SEMA5A: variants seen among roughly 807,000 people sequenced by gnomAD.
SEMA5A encodes the protein semaphorin 5A, also known as semaphorin-5A.
SEMA5A carries 55 observed loss-of-function variants against 135.5 expected under a neutral mutation model. The observed-to-expected ratio is 0.41, with a 90% CI of 0.33 to 0.51. The LOEUF is 0.51. Ranked by LOEUF, SEMA5A falls within the 20% of genes least tolerant of loss-of-function variation. The pLI is 0.37. For missense variants in SEMA5A, 1,290 were observed against 1,419.9 expected, an observed-to-expected ratio of 0.91 and a Z score of 1.47; for synonymous variants, 580 against 546.5, an observed-to-expected ratio of 1.06 and a Z score of -0.85.
rs568140885 is a variant in SEMA5A, at chr5:9,286,101, A to AT, written c.270+32270dup. On this transcript the variant is annotated intron_variant, in intron 5 of 22. Transcript: ENST00000382496. ...ACTGAGGCAAACTGCACTAAGTGATATTTATATCTTTGTATAACGCTGCAG... is the reference window on the plus strand; with the variant it reads ...ACTGAGGCAAACTGCACTAAGTGATATTTTATATCTTTGTATAACGCTGCAG... Among the ~76,000 whole-genome samples, 431 of 152,294 alleles carry AT rather than the reference A, an allele frequency of 2.8e-3. 1 individual carries two copies. The highest frequency in any genetic ancestry group is 9.8e-3 in the African/African-American group (408 of 41,570).
chr5:9,459,672 A>T (rs1165577621), intron 1 of SEMA5A, among the ~76,000 whole-genome samples: 1 of 152,244 alleles, frequency 6.6e-6, no homozygotes, highest in Non-Finnish European at 1.5e-5. Context: ...AAATGATGAC[A>T]TAATATAATG....
At chr5:9,055,939 GT>G (rs1259201020) in intron 18 of SEMA5A, among the ~76,000 whole-genome samples, 2 of 151,798 alleles carry the variant, frequency 1.3e-5, no homozygotes, top group East Asian at 3.9e-4. Context: ...CTTGCTGACA[GT>G]TTTTTTCTGT....
chr5:9,370,175 C>CA (rs1391269678), intron 3 of SEMA5A, among the ~76,000 whole-genome samples: 2 of 152,248 alleles, frequency 1.3e-5, no homozygotes, highest in East Asian at 3.9e-4. Context: ...TTGAGTGGCA[C>CA]AAAAAATCAA....
chr5:9,047,986 C>G (rs1014536013), intron 21 of SEMA5A, among the ~76,000 whole-genome samples: 1 of 152,156 alleles, frequency 6.6e-6, no homozygotes, highest in African/African-American at 2.4e-5. Flanking sequence ...GTGAACTGCA[C>G]ACGTCTGGCA....
In SEMA5A at chr5:9,041,213, T is replaced by TAACA. The variant is rs948276794; in HGVS notation, c.*1680_*1683dup. 2.0e-5 allele frequency: 3 copies of TAACA among 152,216 alleles called. No individual in the cohort carries two copies. The highest frequency in any genetic ancestry group is 7.2e-5 in the African/African-American group (3 of 41,440). The allele number at this position is 152,216 out of a possible 1,614,324, so 9.4% of individuals were successfully genotyped here. A position where few individuals can be genotyped will look rare whatever the true frequency, so the allele number is the denominator to read the frequency against. ...TTCATTATTAAACATAGAATTCTTC[T>TAACA]AACACTTTCTGAAATTGTTTCTTTA... On this transcript the variant is annotated 3_prime_UTR_variant, in exon 23 of 23. Transcript: ENST00000382496.
chr5:9,371,401 C>T (rs1755129581), intron 3 of SEMA5A, among the ~76,000 whole-genome samples: 1 of 152,110 alleles, frequency 6.6e-6, no homozygotes, highest in African/African-American at 2.4e-5. Context: ...AGTATTAGAA[C>T]CAATTCTCTT....
chr5:9,388,313 G>A (rs941076836), intron 2 of SEMA5A, among the ~76,000 whole-genome samples: 2 of 151,984 alleles, frequency 1.3e-5, no homozygotes, highest in South Asian at 4.1e-4. Context: ...GCTCCAGATC[G>A]CCTGGAGGAA....
chr5:9,058,196 T>C (rs1736996203), intron 18 of SEMA5A, among the ~76,000 whole-genome samples: 1 of 152,130 alleles, frequency 6.6e-6, no homozygotes. Context: ...AATAATAAAC[T>C]CATTCAATAT....
intron 5 of SEMA5A, among the ~76,000 whole-genome samples, chr5:9,253,254 A>C (rs1748893474): frequency 6.6e-6 from 1 of 152,158 alleles, no homozygotes; most frequent in Non-Finnish European, 1.5e-5. Flanking sequence ...TAATTAAGAA[A>C]ACTATTTTTT....
At chr5:9,382,439 G>T (rs557861637) in intron 2 of SEMA5A, among the ~76,000 whole-genome samples, 2 of 152,244 alleles carry the variant, frequency 1.3e-5, no homozygotes, top group South Asian at 4.1e-4. Flanking sequence ...AAAAAGGAGT[G>T]CTTACCACCT....
rs543756642 is a variant in SEMA5A at position 9,358,369 on chromosome 5, T to C, written c.125-20557A>G. Among the ~76,000 whole-genome samples the C allele has an allele frequency of 2.0e-5, 3 of 152,286 alleles. No homozygotes were observed. The South Asian group carries it at 6.2e-4, about 32-fold the overall frequency. ...CCACCCAGAGCTCCCTTGACTTCCC[T>C]TTCCTTACCTGGTGGTCTGACGCCT... On this transcript the variant is annotated intron_variant, in intron 3 of 22. Coordinates refer to ENST00000382496, the MANE Select transcript of SEMA5A (RefSeq NM_003966.3).
intron 5 of SEMA5A, among the ~76,000 whole-genome samples, chr5:9,243,900 A>G (rs995991410): frequency 6.6e-6 from 1 of 152,144 alleles, no homozygotes; most frequent in African/African-American, 2.4e-5. Context: ...CCACCCCGTA[A>G]TTTAGAAAAA....
intron 2 of SEMA5A, among the ~76,000 whole-genome samples, chr5:9,413,881 G>A (rs1757190960): frequency 6.6e-6 from 1 of 152,152 alleles, no homozygotes; most frequent in Non-Finnish European, 1.5e-5. Context: ...CATTTATAAA[G>A]TTTATCGCTG....
Position 9,127,599 on chromosome 5 carries a change from G to A in SEMA5A, c.1600-4762C>T, listed in dbSNP as rs937969752. ...TCTGCCTCACTCTTTGGTTTCTTGGGTCCTTCTGTGTTTGGGGGTTTATTT... is the reference window on the plus strand; with the variant it reads ...TCTGCCTCACTCTTTGGTTTCTTGGATCCTTCTGTGTTTGGGGGTTTATTT... On this transcript the variant is annotated intron_variant, in intron 13 of 22. Transcript: ENST00000382496. 2.6e-5 allele frequency among the ~76,000 whole-genome samples: 4 copies of A among 152,152 alleles called. No individual in the cohort carries two copies. In the South Asian group the frequency reaches 8.3e-4, roughly 31 times the overall value.
At chr5:9,184,596 A>G (rs76718289) in intron 11 of SEMA5A, among the ~76,000 whole-genome samples, 4,665 of 152,206 alleles carry the variant, frequency 0.031, 188 homozygotes, top group East Asian at 0.13. Context: ...TCTAAGCTTT[A>G]GCTGTGTTTT....
At chr5:9,170,963 G>C (rs1053756993) in intron 11 of SEMA5A, among the ~76,000 whole-genome samples, 22 of 152,114 alleles carry the variant, frequency 1.4e-4, no homozygotes, top group African/African-American at 5.3e-4. Context: ...CCTACATATT[G>C]GTTGGGTCAA....
At chr5:9,288,394 C>T (rs1379513345) in intron 5 of SEMA5A, among the ~76,000 whole-genome samples, 9 of 152,172 alleles carry the variant, frequency 5.9e-5, no homozygotes, top group Admixed American at 3.3e-4. Flanking sequence ...TGGTGGGAAT[C>T]GCAGCTCGGA....
At position 9,178,324 on chromosome 5, in the gene SEMA5A, T is replaced by C. The variant is rs1451851518; in HGVS notation, c.1273+11943A>G. Among the ~76,000 whole-genome samples, 7 of 143,196 alleles carry C rather than the reference T, an allele frequency of 4.9e-5. No individual in the cohort carries two copies. The East Asian group carries it at 1.5e-3, about 31-fold the overall frequency. 93.9% of individuals were successfully genotyped at this position (143,196 alleles called of 152,430 possible). A position where few individuals can be genotyped will look rare whatever the true frequency, so the allele number is the denominator to read the frequency against. On this transcript the variant is annotated intron_variant, in intron 11 of 22. Transcript: ENST00000382496. ...TGTATAAGCTCTCTTTCTTTTTTTTTTCTCTCCTTTTTTTTTTTTTTTTGT... is the reference window on the plus strand; with the variant it reads ...TGTATAAGCTCTCTTTCTTTTTTTTCTCTCTCCTTTTTTTTTTTTTTTTGT...
intron 13 of SEMA5A, among the ~76,000 whole-genome samples, chr5:9,131,132 G>A (rs1237490538): frequency 1.3e-5 from 2 of 152,194 alleles, no homozygotes; most frequent in African/African-American, 4.8e-5. Flanking sequence ...AGGAATACCT[G>A]AGGCTGGGTA....
Sources: allele counts gnomAD v4.1 joint callset (sites outside exome capture counted in the v4.1 genomes callset), GRCh38; gene constraint gnomAD v4.1.1; transcripts MANE v1.5; gene names NCBI Gene and HGNC (gene_info 2026-07-23, HGNC 2026-07-21).